Variants in TET3 observed in about 807,000 individuals in gnomAD.
TET3 encodes methylcytosine dioxygenase TET3.
Under a neutral mutation model 141.4 loss-of-function variants are expected in TET3, and 19 were observed. That is an observed-to-expected ratio of 0.13 (90% CI 0.09 to 0.20). The LOEUF (loss-of-function observed/expected upper bound fraction) is 0.20. Among genes scored for constraint, TET3 ranks in the 10% least tolerant of loss-of-function variants. TET3 has a pLI of 1.00. For missense variants in TET3, 1,874 were observed against 2,356.9 expected (o/e 0.80, Z 4.24); for synonymous variants, 1,043 against 980.9 (o/e 1.06, Z -1.18).
chr2:73,999,891 G>A (rs1282400871), intron 2 of TET3, among the ~76,000 whole-genome samples: 1 of 152,166 alleles, frequency 6.6e-6, no homozygotes, highest in Non-Finnish European at 1.5e-5. Context: ...AGGGAATGAG[G>A]CCAGGGTGAG....
intron 4 of TET3, among the ~76,000 whole-genome samples, chr2:74,055,659 A>G (rs570428462): frequency 2.6e-5 from 4 of 152,220 alleles, no homozygotes; most frequent in South Asian, 2.1e-4. Flanking sequence ...TGTTTCCCCA[A>G]ACTTACATTG....
rs1315337559 is a variant in TET3, at chr2:74,047,936, G to T, written c.2019G>T (p.Arg673Ser). 4 of 1,613,478 alleles carry T rather than the reference G, an allele frequency of 2.5e-6. No individual in the cohort carries two copies. The highest frequency in any genetic ancestry group is 3.4e-6 in the Non-Finnish European group (4 of 1,179,766). ...SLALFAPSPS[R>S]DSLLPPTQEM... Reference sequence around the variant, plus strand: ...CGCTATTTGCACCTAGTCCCTCCAGGGACAGCCTGCTGCCCCCTACTCAGG... The same window carrying T: ...CGCTATTTGCACCTAGTCCCTCCAGTGACAGCCTGCTGCCCCCTACTCAGG... Residue 673 changes from arginine (R) to serine (S), a missense_variant, in exon 4 of 12, where the codon AGG becomes AGT. Around this residue, in one of 10 missense-constraint regions of TET3, gnomAD observed 484 missense variants for 462.2 expected, o/e 1.05. Transcript: ENST00000409262.
chr2:74,099,150 T>C (rs1691015577), intron 10 of TET3, 126 bp from the exon 11 acceptor site: 1 of 818,518 alleles, frequency 1.2e-6, no homozygotes, highest in Admixed American at 2.8e-5. Context: ...CTCTTGGAAG[T>C]AGTAGTGGCT....
intron 6 of TET3, among the ~76,000 whole-genome samples, chr2:74,082,428 G>A (rs1435949152): frequency 6.6e-6 from 1 of 152,154 alleles, no homozygotes; most frequent in Non-Finnish European, 1.5e-5. Flanking sequence ...GGGGCGCAGT[G>A]AACTGGAGGT....
chr2:74,011,890 AAAAAG>A (rs1685454666), intron 3 of TET3, among the ~76,000 whole-genome samples: 1 of 152,022 alleles, frequency 6.6e-6, no homozygotes, highest in Admixed American at 6.6e-5. Flanking sequence ...AGGAAAAAAA[AAAAAG>A]AAAGGGAGCA....
the TET3 span, chr2:74,134,668 TG>T: frequency 4.4e-6 from 2 of 456,372 alleles, no homozygotes; most frequent in South Asian, 1.5e-5. Context: ...TGAAAGTCTG[TG>T]GGGGCAGTCA....
At chr2:74,131,940 A>C in the TET3 span, among the ~76,000 whole-genome samples, 6 of 152,014 alleles carry the variant, frequency 3.9e-5, no homozygotes, top group Non-Finnish European at 5.9e-5. Flanking sequence ...ATTTGTTTCC[A>C]GATTTAGAAG....
intron 3 of TET3, among the ~76,000 whole-genome samples, chr2:74,030,995 G>A (rs1686653467): frequency 6.6e-6 from 1 of 152,172 alleles, no homozygotes; most frequent in Non-Finnish European, 1.5e-5. Flanking sequence ...GGGGGGAGTT[G>A]CTGAGGAAAA....
chr2:73,988,288 G>T (rs1386146069), intron 2 of TET3, among the ~76,000 whole-genome samples: 1 of 152,124 alleles, frequency 6.6e-6, no homozygotes, highest in Non-Finnish European at 1.5e-5. Flanking sequence ...ACTTTGCAAA[G>T]CTTGATTCCT....
chr2:73,986,442 C>T lies in TET3; in HGVS notation c.39C>T (p.Asp13=). ...AGGTGCCCCTGGCCGTCCAGCCGGA[C>T]CTGCCAGGCCTTTATGACTTCCCTC... ...QFQVPLAVQP[D]LPGLYDFPQR... Residue 13 remains aspartate (D), a synonymous_variant, in exon 2 of 12, where the codon GAC becomes GAT. Transcript: ENST00000409262. 3.2e-6 allele frequency: 4 copies of T among 1,232,220 alleles called. No individual in the cohort carries two copies. Among genetic ancestry groups the T allele is most frequent in the Non-Finnish European group, 1.0e-6 (1 of 988,060 alleles). 76.3% of individuals were successfully genotyped at this position (1,232,220 alleles called of 1,614,324 possible).
At chr2:74,086,418 G>A (rs756307451) in intron 6 of TET3, among the ~76,000 whole-genome samples, 2 of 151,862 alleles carry the variant, frequency 1.3e-5, no homozygotes, top group Non-Finnish European at 2.9e-5. Context: ...TACAATTCTC[G>A]TACCATACAG....
chr2:74,002,622 G>A (rs1235878496), intron 2 of TET3: 19 of 354,796 alleles, frequency 5.4e-5, no homozygotes, highest in African/African-American at 6.4e-5. Flanking sequence ...CGGGGGCAGG[G>A]CCGGCCGCGG....
chr2:74,012,275 T>G (rs1203318813), intron 3 of TET3, among the ~76,000 whole-genome samples: 2 of 152,342 alleles, frequency 1.3e-5, no homozygotes, highest in African/African-American at 4.8e-5. Context: ...TCAGGCCCCA[T>G]TAGTCATTGT....
chr2:74,090,119 G>A (rs1690394754), intron 8 of TET3, 72 bp downstream of exon 8: 6 of 1,582,408 alleles, frequency 3.8e-6, no homozygotes, highest in Non-Finnish European at 5.2e-6. Context: ...CCAGCGGGAG[G>A]TAGTACTGGC....
rs1005204394 is a variant in TET3 at position 74,087,543 on chromosome 2, G to A, written c.2680-287G>A. Among the ~76,000 whole-genome samples, 5 of 152,184 alleles carry A rather than the reference G, an allele frequency of 3.3e-5. No individual in the cohort carries two copies. The highest frequency in any genetic ancestry group is 7.4e-5 in the Non-Finnish European group (5 of 68,026). ...TGTGTATTTTTACTCCTAAGCCTAT[G>A]TAAGTCATCAGCAACTTAGATTTTG... On this transcript the variant is annotated intron_variant, in intron 6 of 11. Coordinates refer to ENST00000409262, the MANE Select transcript of TET3 (RefSeq NM_001287491.2). The surrounding 1 kb of genome is among the most constrained non-coding windows in gnomAD (Gnocchi z 4.3).
intron 5 of TET3, among the ~76,000 whole-genome samples, chr2:74,080,009 A>C (rs1054436286): frequency 2.0e-5 from 3 of 152,208 alleles, no homozygotes; most frequent in Non-Finnish European, 2.9e-5. Context: ...TAGTAGAGCC[A>C]CTTCTCCCCA....
Position 74,101,223 on chromosome 2 carries a change from T to A in TET3, c.4435T>A (p.Cys1479Ser). ...PDKLSSFGAS[C>S]LAPSHFTDGQ... ...CAAGCTCAGTTCCTTTGGGGCCAGCTGCCTGGCCCCTTCCCACTTCACAGA... is the reference window on the plus strand; with the variant it reads ...CAAGCTCAGTTCCTTTGGGGCCAGCAGCCTGGCCCCTTCCCACTTCACAGA... Residue 1479 changes from cysteine to serine, a missense_variant, in exon 12 of 12, where the codon TGC (cysteine) becomes AGC (serine). Physicochemically the swap from Cys to Ser is moderately radical, Grantham distance 112. Transcript: ENST00000409262. The surrounding 1 kb of genome is among the most constrained non-coding windows in gnomAD (Gnocchi z 8.5). 1 of 1,612,986 alleles carries A rather than the reference T, an allele frequency of 6.2e-7. No homozygotes were observed. Among genetic ancestry groups the A allele is most frequent in the Non-Finnish European group, 8.5e-7 (1 of 1,179,476 alleles).
At chr2:74,003,247 G>T in intron 3 of TET3, 81 bp downstream of exon 3, 3 of 1,524,424 alleles carry the variant, frequency 2.0e-6, no homozygotes, top group South Asian at 2.4e-5. Context: ...AAAAATAAAG[G>T]GTCTCCTCTG....
intron 5 of TET3, among the ~76,000 whole-genome samples, chr2:74,078,247 G>T (rs984666240): frequency 2.0e-5 from 3 of 152,014 alleles, no homozygotes; most frequent in African/African-American, 7.2e-5. Context: ...TTACAAAAAT[G>T]AAACAAAGGC....
Sources: gnomAD v4.1 joint callset for allele counts (sites outside exome capture counted in the v4.1 genomes callset) on GRCh38, gnomAD v4.1.1 for gene constraint, gnomAD v4.1.1 regional missense constraint, Gnocchi (gnomAD v3.1) non-coding constraint, MANE v1.5 for transcripts, NCBI Gene and HGNC (gene_info 2026-07-23, HGNC 2026-07-21) for gene names.